OSBPL10: variants seen among roughly 807,000 people sequenced by gnomAD.
The protein encoded by OSBPL10 is oxysterol-binding protein-related protein 10.
In OSBPL10, 49 loss-of-function variants were observed where a neutral mutation model predicts 81.7. That is an observed-to-expected ratio of 0.60 (90% CI 0.48 to 0.76). OSBPL10 has a LOEUF of 0.76. OSBPL10 is among the 30% of genes least tolerant of loss of function. The probability of loss-of-function intolerance (pLI) is 0.00; values close to 1 mark genes in which losing one functional copy is unlikely to be tolerated. For synonymous variants in OSBPL10, 419 were observed against 383.6 expected, an observed-to-expected ratio of 1.09 and a Z score of -1.08; for missense variants, 923 against 987.8, an observed-to-expected ratio of 0.93 and a Z score of 0.88.
At chr3:31,942,534 CA>C (rs34915200) in intron 1 of OSBPL10, among the ~76,000 whole-genome samples, 96 of 79,742 alleles carry the variant, frequency 1.2e-3, no homozygotes, top group East Asian at 7.0e-3. Flanking sequence ...GACTCCATCT[CA>C]AAAAAAAAAA....
At chr3:31,848,276 T>C (rs1048627560) in intron 3 of OSBPL10, among the ~76,000 whole-genome samples, 1 of 151,656 alleles carries the variant, frequency 6.6e-6, no homozygotes, top group Non-Finnish European at 1.5e-5. Context: ...CGTTTTACCT[T>C]CTCTTCTGCT....
chr3:31,662,260 C>T, intron 11 of OSBPL10, 144 bp from the exon 12 acceptor site: 1 of 1,446,092 alleles, frequency 6.9e-7, no homozygotes, highest in Non-Finnish European at 9.1e-7. Flanking sequence ...AGTACCCCTC[C>T]TCAGCCCAGC....
rs34855965 is a variant in OSBPL10, at chr3:32,044,741, C to CAA, written n.298+1748_298+1749dup. 7.6e-3 allele frequency among the ~76,000 whole-genome samples: 511 copies of CAA among 66,810 alleles called. 3 individuals carry two copies. The highest frequency in any genetic ancestry group is 1.0e-2 in the East Asian group (21 of 2,104). The allele number at this position is 66,810 out of a possible 152,430, so 43.8% of individuals were successfully genotyped here. A position where few individuals can be genotyped will look rare whatever the true frequency, so the allele number is the denominator to read the frequency against. ...GGGCAACAAGAGCGAAACTCCATCT[C>CAA]AAAAAAAAAAAAAAAAAAAAAAAGA... On this transcript the variant is annotated intron_variant and non_coding_transcript_variant, in intron 2 of 3. Transcript: ENST00000479173.
chr3:31,675,763 G>GT (rs1360527191), intron 8 of OSBPL10, among the ~76,000 whole-genome samples: 4 of 106,380 alleles, frequency 3.8e-5, no homozygotes, highest in African/African-American at 2.6e-4. Flanking sequence ...GGCTAACATG[G>GT]TAAAACCCCC....
At chr3:32,024,099 T>A (rs72855531) in intron 2 of OSBPL10, among the ~76,000 whole-genome samples, 1 of 152,218 alleles carries the variant, frequency 6.6e-6, no homozygotes, top group Non-Finnish European at 1.5e-5. Context: ...ACTGTCTTGA[T>A]TACTGTCGTT....
chr3:31,813,621 AT>A (rs1699764237), intron 4 of OSBPL10, among the ~76,000 whole-genome samples: 1 of 152,178 alleles, frequency 6.6e-6, no homozygotes, highest in South Asian at 2.1e-4. Context: ...CCCTGTCACT[AT>A]CTAGAAATGG....
At chr3:31,804,985 C>T (rs4955113) in intron 4 of OSBPL10, among the ~76,000 whole-genome samples, 71,881 of 152,026 alleles carry the variant, frequency 0.47, 17,799 homozygotes, top group East Asian at 0.74. Flanking sequence ...CACTATTACA[C>T]CTGGCTTTCC....
rs1264468554 is a variant in OSBPL10, at chr3:31,746,811, C to T, written c.940+1099G>A. 1.2e-4 allele frequency among the ~76,000 whole-genome samples: 7 copies of T among 59,154 alleles called. No homozygotes were observed. The East Asian group carries it at 2.1e-3, about 18-fold the overall frequency. The allele number at this position is 59,154 out of a possible 152,430, so 38.8% of individuals were successfully genotyped here. ...ACACAGGAAGGGGAACATCACACTCCGGGGACTGTTGTGGGGTGGGGGGGA... is the reference window on the plus strand; with the variant it reads ...ACACAGGAAGGGGAACATCACACTCTGGGGACTGTTGTGGGGTGGGGGGGA... On this transcript the variant is annotated intron_variant, in intron 5 of 11. Coordinates refer to ENST00000396556, the MANE Select transcript of OSBPL10 (RefSeq NM_017784.5).
chr3:31,926,046 A>G (rs962635159), intron 1 of OSBPL10, among the ~76,000 whole-genome samples: 4 of 152,016 alleles, frequency 2.6e-5, no homozygotes, highest in African/African-American at 9.7e-5. Context: ...TCTTATCTTT[A>G]TATCTATTAT....
At chr3:31,853,061 AAG>A (rs1377566690) in intron 3 of OSBPL10, among the ~76,000 whole-genome samples, 4 of 152,172 alleles carry the variant, frequency 2.6e-5, no homozygotes, top group African/African-American at 9.7e-5. Flanking sequence ...TCACATGAAA[AAG>A]AGTTTTTTAG....
chr3:31,936,608 C>T (rs545187406), intron 1 of OSBPL10, among the ~76,000 whole-genome samples: 1 of 152,212 alleles, frequency 6.6e-6, no homozygotes, highest in East Asian at 1.9e-4. Flanking sequence ...TTCCATGACA[C>T]ACACAGGTAT....
At chr3:31,677,386 AGCCAAGGGTCCCCTGGCCAT>A (rs1177549946) in intron 8 of OSBPL10, among the ~76,000 whole-genome samples, 1 of 152,190 alleles carries the variant, frequency 6.6e-6, no homozygotes, top group African/African-American at 2.4e-5. Flanking sequence ...CACAAGAACG[AGCCAAGGGTCCCCTGGCCAT>A]GCCCAGGCCC....
chr3:31,698,937 C>G (rs1695809809), intron 7 of OSBPL10, among the ~76,000 whole-genome samples: 1 of 152,172 alleles, frequency 6.6e-6, no homozygotes, highest in Non-Finnish European at 1.5e-5. Context: ...TGTTTCTTGT[C>G]TGTTTCCTTC....
chr3:32,047,433 A>G (rs1699632602), intron 1 of OSBPL10, among the ~76,000 whole-genome samples: 1 of 152,222 alleles, frequency 6.6e-6, no homozygotes, highest in Non-Finnish European at 1.5e-5. Flanking sequence ...GGAAAGGGGC[A>G]GGGATTTCCT....
At chr3:31,794,290 G>C (rs544180943) in intron 4 of OSBPL10, among the ~76,000 whole-genome samples, 3 of 152,116 alleles carry the variant, frequency 2.0e-5, no homozygotes, top group Admixed American at 6.5e-5. Context: ...GATTACAGGC[G>C]CACGCCACCA....
chr3:31,954,096 G>A (rs191993895), intron 1 of OSBPL10, among the ~76,000 whole-genome samples: 8 of 152,338 alleles, frequency 5.3e-5, no homozygotes, highest in African/African-American at 1.9e-4. Flanking sequence ...AGAAGTCTGG[G>A]TTCATCCTTT....
chr3:31,942,315 G>A (rs1311449060), intron 1 of OSBPL10, among the ~76,000 whole-genome samples: 2 of 151,736 alleles, frequency 1.3e-5, no homozygotes, highest in East Asian at 1.9e-4. Context: ...ACTTTGGGAG[G>A]CCAAGGCGGG....
chr3:31,979,852 C>G (rs1469561693), intron 1 of OSBPL10, among the ~76,000 whole-genome samples: 1 of 152,052 alleles, frequency 6.6e-6, no homozygotes, highest in Non-Finnish European at 1.5e-5. Context: ...TCCACGTGTC[C>G]ATAACTAGGC....
At chr3:32,030,512 T>C (rs117037666) in intron 2 of OSBPL10, 20,453 of 726,560 alleles carry the variant, frequency 0.028, 507 homozygotes, top group East Asian at 0.11. Context: ...GATCGCTTCC[T>C]AAAATGCGTG....
Sources: allele counts gnomAD v4.1 joint callset (sites outside exome capture counted in the v4.1 genomes callset), GRCh38; gene constraint gnomAD v4.1.1; transcripts MANE v1.5; gene names NCBI Gene and HGNC (gene_info 2026-07-23, HGNC 2026-07-21).